MIPEP: variants seen among roughly 807,000 people sequenced by gnomAD.
The protein encoded by MIPEP is mitochondrial intermediate peptidase.
Under a neutral mutation model 90.3 loss-of-function variants are expected in MIPEP, and 79 were observed. The observed-to-expected ratio is 0.87, with a 90% CI of 0.73 to 1.05. MIPEP has a LOEUF of 1.05. Ranked by LOEUF, MIPEP falls within the 50% of genes least tolerant of loss-of-function variation. MIPEP has a pLI of 0.00. For missense variants in MIPEP, 940 were observed against 905.6 expected (o/e 1.04, Z -0.49); for synonymous variants, 334 against 315.8 (o/e 1.06, Z -0.61).
intron 12 of MIPEP, among the ~76,000 whole-genome samples, chr13:23,838,319 AT>A (rs577502446): frequency 6.6e-6 from 1 of 151,302 alleles, no homozygotes; most frequent in East Asian, 1.9e-4. Flanking sequence ...AAATTTTTAG[AT>A]TTTTTTTTGT....
intron 16 of MIPEP, among the ~76,000 whole-genome samples, chr13:23,793,333 G>GA (rs1952919721): frequency 6.6e-6 from 1 of 152,156 alleles, no homozygotes; most frequent in African/African-American, 2.4e-5. Context: ...CACAAAAGAG[G>GA]ATTTCTGTAT....
chr13:23,836,099 C>A, intron 14 of MIPEP, 141 bp downstream of exon 14: 1 of 530,888 alleles, frequency 1.9e-6, no homozygotes. Context: ...GATAGGGAAT[C>A]AGGAAAAAAA....
At chr13:23,770,562 C>T (rs914256519) in intron 16 of MIPEP, among the ~76,000 whole-genome samples, 4 of 152,012 alleles carry the variant, frequency 2.6e-5, no homozygotes, top group Non-Finnish European at 5.9e-5. Context: ...CACTCCATAC[C>T]CTCTTGCTCA....
intron 14 of MIPEP, among the ~76,000 whole-genome samples, chr13:23,836,007 C>T (rs1232957385): frequency 6.6e-6 from 1 of 151,966 alleles, no homozygotes; most frequent in Middle Eastern, 3.2e-3. Flanking sequence ...TGGTAGATTA[C>T]CAGGCATGTA....
chr13:23,850,204 T>C (rs1869739971), intron 10 of MIPEP, among the ~76,000 whole-genome samples: 1 of 152,148 alleles, frequency 6.6e-6, no homozygotes, highest in Non-Finnish European at 1.5e-5. Context: ...CAAAAGCAAA[T>C]GAAACTGTAT....
chr13:23,766,307 G>A (rs749559533), intron 16 of MIPEP, among the ~76,000 whole-genome samples: 3 of 152,178 alleles, frequency 2.0e-5, no homozygotes, highest in Non-Finnish European at 2.9e-5. Context: ...AAGCCTTAGA[G>A]ACTCTAAACA....
chr13:23,887,948 C>G (rs1302279192), intron 1 of MIPEP, among the ~76,000 whole-genome samples: 4 of 152,086 alleles, frequency 2.6e-5, no homozygotes, highest in Non-Finnish European at 5.9e-5. Context: ...ACTACTTCCA[C>G]TTCCCAGTAC....
At position 23,791,058 on chromosome 13, in the gene MIPEP, G is replaced by A. The variant is rs144671973; in HGVS notation, c.1848+14892C>T. 3.2e-3 allele frequency among the ~76,000 whole-genome samples: 493 copies of A among 152,084 alleles called. 3 individuals are homozygous for A. The highest frequency in any genetic ancestry group is 4.4e-3 in the Non-Finnish European group (296 of 67,982). On this transcript the variant is annotated intron_variant, in intron 16 of 18. Coordinates refer to ENST00000382172, the MANE Select transcript of MIPEP (RefSeq NM_005932.4). ...TAGTACCCTATCTCCAATCCCACTG[G>A]GACCTCACAATCCACTTCCAAATGT...
At position 23,759,503 on chromosome 13, in the gene MIPEP, C is replaced by G. The variant is rs78550387; in HGVS notation, c.1970+593G>C. Reference sequence around the variant, plus strand: ...CACGGGACGGGATCCCCCACACCCCCCTAGACAGCACAGGATCCCCTGCAT... The same window carrying G: ...CACGGGACGGGATCCCCCACACCCCGCTAGACAGCACAGGATCCCCTGCAT... On this transcript the variant is annotated intron_variant, in intron 17 of 18. Transcript: ENST00000382172. 3.1e-3 allele frequency among the ~76,000 whole-genome samples: 471 copies of G among 151,484 alleles called. 1 individual carries two copies. Among genetic ancestry groups the G allele is most frequent in the African/African-American group, 0.011 (449 of 41,262 alleles).
In MIPEP at chr13:23,775,109, C is replaced by CTCTGTGTG. The variant is rs1375320068; in HGVS notation, c.1849-14893_1849-14892insCACACAGA. ...TCACTGCACCCAGCCTATCAGTTCT[C>CTCTGTGTG]TGTGTGTGTGTGTGTGTGTGTGTGT... is the stretch of plus-strand genomic sequence containing the variant. On this transcript the variant is annotated intron_variant, in intron 16 of 18. Transcript: ENST00000382172. Among the ~76,000 whole-genome samples the CTCTGTGTG allele has an allele frequency of 3.2e-4, 48 of 149,200 alleles. 2 individuals carry two copies. Among genetic ancestry groups the CTCTGTGTG allele is most frequent in the East Asian group, 1.6e-3 (8 of 5,028 alleles).
At chr13:23,838,962 T>C (rs1304952625) in intron 12 of MIPEP, among the ~76,000 whole-genome samples, 2 of 152,284 alleles carry the variant, frequency 1.3e-5, no homozygotes, top group Non-Finnish European at 2.9e-5. Flanking sequence ...CTTTGGAAAT[T>C]GTGAATCACT....
intron 14 of MIPEP, among the ~76,000 whole-genome samples, chr13:23,835,269 C>T (rs1009785468): frequency 6.6e-6 from 1 of 152,036 alleles, no homozygotes; most frequent in Admixed American, 6.5e-5. Context: ...GATCCACCTG[C>T]CTCAGCCTCC....
At position 23,864,176 on chromosome 13, in the gene MIPEP, C is replaced by T; in HGVS notation, c.957G>A (p.Gln319=). The T allele has an allele frequency of 1.9e-6, 3 of 1,564,810 alleles. No individual in the cohort carries two copies. The highest frequency in any genetic ancestry group is 1.7e-6 in the Non-Finnish European group (2 of 1,153,450). The change falls in exon 8 of 19, where the codon CAG becomes CAA. Residue 319 remains glutamine, a synonymous_variant. Coordinates refer to ENST00000382172, the MANE Select transcript of MIPEP (RefSeq NM_005932.4). ...GTTTGTCAGATAGTTTTTCAAGGAA[C>T]TGCATGACAGTCTCTAAAACGAAAT... ...TIAKNPETVM[Q]FLEKLSDKLS... is the part of the protein sequence containing the mutation.
At chr13:23,856,193 G>A (rs376758230) in intron 10 of MIPEP, among the ~76,000 whole-genome samples, 23 of 152,210 alleles carry the variant, frequency 1.5e-4, no homozygotes, top group African/African-American at 5.6e-4. Flanking sequence ...GCTACACAAG[G>A]CTAGTGCAGA....
chr13:23,788,869 T>G (rs182128566), intron 16 of MIPEP, among the ~76,000 whole-genome samples: 166 of 152,332 alleles, frequency 1.1e-3, no homozygotes, highest in African/African-American at 3.8e-3. Context: ...TTAAACAAAT[T>G]TATCCTTTTA....
intron 10 of MIPEP, among the ~76,000 whole-genome samples, chr13:23,842,966 C>T (rs571386990): frequency 7.9e-5 from 12 of 151,870 alleles, no homozygotes; most frequent in South Asian, 2.1e-4. Context: ...GGTGTGGTGG[C>T]GGGTGCCTGT....
At chr13:23,774,441 A>C (rs1030539573) in intron 16 of MIPEP, among the ~76,000 whole-genome samples, 1 of 152,204 alleles carries the variant, frequency 6.6e-6, no homozygotes, top group African/African-American at 2.4e-5. Context: ...TTTCTATAAA[A>C]AAAAGCAGCT....
intron 12 of MIPEP, among the ~76,000 whole-genome samples, chr13:23,839,184 T>G (rs1027850028): frequency 6.6e-6 from 1 of 152,190 alleles, no homozygotes; most frequent in Non-Finnish European, 1.5e-5. Flanking sequence ...AGTTTTAGAA[T>G]AGGTTCATTG....
intron 10 of MIPEP, among the ~76,000 whole-genome samples, chr13:23,844,303 TA>T: frequency 6.6e-6 from 1 of 151,946 alleles, no homozygotes. Context: ...GAAAATAAAC[TA>T]TAAAAGGAAG....
Sources: allele counts gnomAD v4.1 joint callset (sites outside exome capture counted in the v4.1 genomes callset), GRCh38; gene constraint gnomAD v4.1.1; transcripts MANE v1.5; gene names NCBI Gene and HGNC (gene_info 2026-07-23, HGNC 2026-07-21).